Variants in RIMS1 observed in about 807,000 individuals in gnomAD.
RIMS1 encodes regulating synaptic membrane exocytosis protein 1.
RIMS1 carries 83 observed loss-of-function variants against 214.1 expected under a neutral mutation model. The ratio of observed to expected loss-of-function variants is 0.39; its 90% CI spans 0.32 to 0.47. The LOEUF (loss-of-function observed/expected upper bound fraction) is 0.47, where lower values mean the gene tolerates loss of function less well. Ranked by LOEUF, RIMS1 falls within the 20% of genes least tolerant of loss-of-function variation. The pLI is 0.99. For synonymous variants in RIMS1, 793 were observed against 786.8 expected (o/e 1.01, Z -0.13); for missense variants, 2,050 against 2,161.8 (o/e 0.95, Z 1.03).
intron 2 of RIMS1, among the ~76,000 whole-genome samples, chr6:72,042,637 T>C (rs75310365): frequency 0.011 from 1,748 of 152,038 alleles, 9 homozygotes; most frequent in Non-Finnish European, 0.017. Flanking sequence ...ATAACACTTG[T>C]ACTTTCTCTG....
chr6:72,135,285 A>G, intron 4 of RIMS1, among the ~76,000 whole-genome samples: 1 of 152,178 alleles, frequency 6.6e-6, no homozygotes, highest in East Asian at 1.9e-4. Flanking sequence ...TGGAGAGTTT[A>G]TTATGTTTAA....
intron 2 of RIMS1, among the ~76,000 whole-genome samples, chr6:71,971,471 G>A (rs929634142): frequency 3.9e-5 from 6 of 152,126 alleles, no homozygotes; most frequent in Non-Finnish European, 8.8e-5. Context: ...AAGAGTTTAG[G>A]GGGATTACCA....
chr6:71,951,025 ATTCT>A (rs1789322982), intron 1 of RIMS1, among the ~76,000 whole-genome samples: 1 of 152,184 alleles, frequency 6.6e-6, no homozygotes, highest in Non-Finnish European at 1.5e-5. Flanking sequence ...TGGCATTTAA[ATTCT>A]TTCTTAAAAT....
chr6:72,123,826 T>G (rs2038941766), intron 4 of RIMS1, among the ~76,000 whole-genome samples: 1 of 151,856 alleles, frequency 6.6e-6, no homozygotes, highest in African/African-American at 2.4e-5. Flanking sequence ...ATTTGCTTGG[T>G]AGATCTTCCT....
intron 1 of RIMS1, among the ~76,000 whole-genome samples, chr6:71,909,141 C>T (rs140976083): frequency 1.3e-5 from 2 of 152,150 alleles, no homozygotes; most frequent in Non-Finnish European, 2.9e-5. Context: ...AGGCACCCAC[C>T]ACCATGCCCA....
chr6:72,153,344 T>C (rs1011895067), intron 4 of RIMS1, among the ~76,000 whole-genome samples: 1 of 151,912 alleles, frequency 6.6e-6, no homozygotes, highest in Non-Finnish European at 1.5e-5. Context: ...AAGGAGATTT[T>C]TTTTCAGTAT....
At chr6:72,263,543 T>C (rs368757400) in intron 19 of RIMS1, 15 of 985,310 alleles carry the variant, frequency 1.5e-5, no homozygotes, top group East Asian at 2.3e-4. Flanking sequence ...CCATTCTATG[T>C]TGATCCCATT....
chr6:71,935,852 A>C (rs904253478), intron 1 of RIMS1, among the ~76,000 whole-genome samples: 3 of 152,238 alleles, frequency 2.0e-5, no homozygotes, highest in Non-Finnish European at 4.4e-5. Context: ...TATTATGGAC[A>C]TAGAAATTTT....
intron 2 of RIMS1, among the ~76,000 whole-genome samples, chr6:72,027,432 T>C (rs936442045): frequency 1.3e-5 from 2 of 152,136 alleles, no homozygotes; most frequent in African/African-American, 4.8e-5. Context: ...ATGACACATA[T>C]AACAGGTACT....
chr6:72,054,465 T>A (rs1165262506), intron 2 of RIMS1, among the ~76,000 whole-genome samples: 1 of 152,192 alleles, frequency 6.6e-6, no homozygotes, highest in African/African-American at 2.4e-5. Flanking sequence ...CTGGCTTAAA[T>A]GGTATTTCTG....
At position 72,135,303 on chromosome 6, in the gene RIMS1, C is replaced by T. The variant is rs573507593; in HGVS notation, c.471+35317C>T. ...AGAGTTTATTATGTTTAATGATACT[C>T]AATATAAATATTAAAAGAAGAGGAA... On this transcript the variant is annotated intron_variant, in intron 4 of 33. Coordinates refer to ENST00000521978, the MANE Select transcript of RIMS1 (RefSeq NM_014989.7). Among the ~76,000 whole-genome samples the T allele has an allele frequency of 9.2e-5, 14 of 152,170 alleles. No homozygotes were observed. The East Asian group carries it at 1.7e-3, about 19-fold the overall frequency.
chr6:72,354,366 T>G (rs2097560859), intron 29 of RIMS1, among the ~76,000 whole-genome samples: 1 of 152,226 alleles, frequency 6.6e-6, no homozygotes, highest in Non-Finnish European at 1.5e-5. Context: ...TAAATTTACT[T>G]CTAACACTAA....
chr6:72,295,007 G>A (rs1399943827), intron 26 of RIMS1, among the ~76,000 whole-genome samples: 1 of 151,738 alleles, frequency 6.6e-6, no homozygotes, highest in African/African-American at 2.4e-5. Flanking sequence ...CCCTTATGTA[G>A]AGTAAGGCTG....
intron 2 of RIMS1, among the ~76,000 whole-genome samples, chr6:72,040,991 G>C (rs1367087324): frequency 6.6e-6 from 1 of 151,734 alleles, no homozygotes; most frequent in East Asian, 1.9e-4. Context: ...AAATTGTCCT[G>C]CTTACCTTAT....
chr6:71,911,624 C>G (rs896680341), intron 1 of RIMS1, among the ~76,000 whole-genome samples: 1 of 152,094 alleles, frequency 6.6e-6, no homozygotes, highest in Admixed American at 6.6e-5. Context: ...TGGATCAACT[C>G]TATGGAAATA....
At chr6:72,236,974 G>C (rs978364621) in intron 8 of RIMS1, among the ~76,000 whole-genome samples, 2 of 152,014 alleles carry the variant, frequency 1.3e-5, no homozygotes, top group Non-Finnish European at 2.9e-5. Context: ...AAAGGTGAGA[G>C]GGTCACTTGA....
chr6:72,233,741 A>G (rs745881711), intron 6 of RIMS1, 32 bp from the exon 7 acceptor site: 15 of 1,468,556 alleles, frequency 1.0e-5, no homozygotes, highest in Middle Eastern at 1.7e-4. Flanking sequence ...CTTTAATACC[A>G]TTACACTTTT....
intron 33 of RIMS1, 107 bp downstream of exon 33, chr6:72,399,201 G>T: frequency 2.2e-6 from 2 of 907,086 alleles, no homozygotes; most frequent in East Asian, 2.7e-5. Flanking sequence ...GATAAATGTA[G>T]GATAATATTC....
chr6:72,024,471 T>G (rs1815712045), intron 2 of RIMS1, among the ~76,000 whole-genome samples: 1 of 152,162 alleles, frequency 6.6e-6, no homozygotes, highest in Non-Finnish European at 1.5e-5. Flanking sequence ...GAATGTAAAG[T>G]GTTTGACATA....
Sources: gnomAD v4.1 joint callset for allele counts (sites outside exome capture counted in the v4.1 genomes callset) on GRCh38, gnomAD v4.1.1 for gene constraint, MANE v1.5 for transcripts, NCBI Gene and HGNC (gene_info 2026-07-23, HGNC 2026-07-21) for gene names.